Variants in CNIH3 observed in about 807,000 individuals in gnomAD.
CNIH3 encodes cornichon family AMPA receptor auxiliary protein 3, also known as protein cornichon homolog 3.
Under a neutral mutation model 24.1 loss-of-function variants are expected in CNIH3, and 14 were observed. That is an observed-to-expected ratio of 0.58 (90% CI 0.38 to 0.91). The LOEUF (loss-of-function observed/expected upper bound fraction) is 0.91. CNIH3 is among the 40% of genes least tolerant of loss of function. The probability of loss-of-function intolerance (pLI) is 0.00; values close to 1 mark genes in which losing one functional copy is unlikely to be tolerated. For synonymous variants in CNIH3, 68 were observed against 73.8 expected (o/e 0.92, Z 0.40); for missense variants, 178 against 196.8 (o/e 0.90, Z 0.57).
At chr1:224,510,873 T>C (rs983350876), upstream of CNIH3, among the ~76,000 whole-genome samples, 9 of 152,154 alleles carry the variant, frequency 5.9e-5, no homozygotes, top group Non-Finnish European at 1.2e-4. Flanking sequence ...CCTTCCTCCC[T>C]GGCTTTGTCC....
intron 1 of CNIH3, chr1:224,435,249 G>T (rs1229871661): frequency 1.0e-6 from 1 of 976,538 alleles, no homozygotes; most frequent in African/African-American, 1.7e-5. Flanking sequence ...ACAGGGCTGT[G>T]GTAGGCCCCT....
intron 3 of CNIH3, among the ~76,000 whole-genome samples, chr1:224,705,634 G>A (rs1333991137): frequency 6.6e-6 from 1 of 152,142 alleles, no homozygotes; most frequent in South Asian, 2.1e-4. Context: ...ACAGAGGACC[G>A]TGAAGGGAGG....
At chr1:224,657,118 T>C (rs1338259431) in intron 1 of CNIH3, among the ~76,000 whole-genome samples, 1 of 152,106 alleles carries the variant, frequency 6.6e-6, no homozygotes, top group Non-Finnish European at 1.5e-5. Flanking sequence ...TTTTGTCCCA[T>C]ATCATTGCCA....
chr1:224,644,726 T>C (rs1684521323), intron 1 of CNIH3, among the ~76,000 whole-genome samples: 3 of 152,234 alleles, frequency 2.0e-5, no homozygotes, highest in Non-Finnish European at 4.4e-5. Context: ...GCTGTAATGC[T>C]CAACCGTTGC....
At chr1:224,588,972 T>TTTTTTTTTG (rs1161094382), downstream of CNIH3, among the ~76,000 whole-genome samples, 2 of 149,358 alleles carry the variant, frequency 1.3e-5, no homozygotes, top group East Asian at 4.0e-4. Context: ...CCCCCTGTTT[T>TTTTTTTTTG]TTTTTTTTTT....
intron 1 of CNIH3, among the ~76,000 whole-genome samples, chr1:224,652,401 C>T (rs939172673): frequency 6.6e-6 from 1 of 152,106 alleles, no homozygotes; most frequent in Non-Finnish European, 1.5e-5. Context: ...AGGCAGGACT[C>T]AGACCTAGCG....
chr1:224,739,071 A>G (rs1689739381), intron 5 of CNIH3, among the ~76,000 whole-genome samples: 1 of 152,170 alleles, frequency 6.6e-6, no homozygotes, highest in African/African-American at 2.4e-5. Context: ...GAGAATGATA[A>G]TAGGCACTTA....
At chr1:224,542,906 T>C (rs983146752) in intron 2 of CNIH3, among the ~76,000 whole-genome samples, 1 of 152,252 alleles carries the variant, frequency 6.6e-6, no homozygotes, top group African/African-American at 2.4e-5. Context: ...TCTAATACCA[T>C]TGGAATTTTC....
chr1:224,555,689 G>A (rs114950172), intron 3 of CNIH3, among the ~76,000 whole-genome samples: 2,930 of 152,320 alleles, frequency 0.019, 36 homozygotes, highest in Middle Eastern at 0.034. Context: ...AACAAGGTTG[G>A]CATAACGTTA....
intron 1 of CNIH3, among the ~76,000 whole-genome samples, chr1:224,676,266 G>A (rs933225526): frequency 7.2e-5 from 11 of 152,256 alleles, no homozygotes; most frequent in African/African-American, 2.4e-4. Flanking sequence ...TACATACTGC[G>A]TGATTCCATT....
At chr1:224,657,282 A>C (rs982289749) in intron 1 of CNIH3, among the ~76,000 whole-genome samples, 2 of 152,128 alleles carry the variant, frequency 1.3e-5, no homozygotes, top group South Asian at 2.1e-4. Context: ...CAAAACCCCG[A>C]AGCCAAAAAA....
intron 3 of CNIH3, among the ~76,000 whole-genome samples, chr1:224,729,093 C>T (rs976282115): frequency 1.3e-5 from 2 of 151,928 alleles, no homozygotes; most frequent in East Asian, 1.9e-4. Flanking sequence ...GAACAAGGGA[C>T]GGTAGGCAGA....
At chr1:224,726,802 T>G (rs996063103) in intron 3 of CNIH3, among the ~76,000 whole-genome samples, 7 of 152,140 alleles carry the variant, frequency 4.6e-5, no homozygotes, top group African/African-American at 1.7e-4. Context: ...ACATGGCAAT[T>G]CAATAGGCTG....
At chr1:224,577,650 T>C (rs1045057783) in intron 4 of CNIH3, among the ~76,000 whole-genome samples, 4 of 152,174 alleles carry the variant, frequency 2.6e-5, no homozygotes, top group African/African-American at 9.7e-5. Flanking sequence ...GAAAACAGTA[T>C]AGAGATTTTT....
At chr1:224,576,610 A>T (rs536482081) in intron 4 of CNIH3, among the ~76,000 whole-genome samples, 2 of 152,322 alleles carry the variant, frequency 1.3e-5, no homozygotes, top group East Asian at 3.9e-4. Context: ...CATTCTTATG[A>T]CCTATGTAAA....
Position 224,739,606 on chromosome 1 carries a change from G to A in CNIH3, c.*250G>A. The A allele has an allele frequency of 1.6e-6, 1 of 618,828 alleles. No homozygotes were observed. The highest frequency in any genetic ancestry group is 2.7e-6 in the Non-Finnish European group (1 of 369,360). The allele number at this position is 618,828 out of a possible 1,614,324, so 38.3% of individuals were successfully genotyped here. A position where few individuals can be genotyped will look rare whatever the true frequency, so the allele number is the denominator to read the frequency against. ...ACACACGGGGTCCTAGAGCCCTTCTGAGCATCAGTGGTGTGGGGGAGTAGG... is the reference window on the plus strand; with the variant it reads ...ACACACGGGGTCCTAGAGCCCTTCTAAGCATCAGTGGTGTGGGGGAGTAGG... On this transcript the variant is annotated 3_prime_UTR_variant, in exon 6 of 6. Transcript: ENST00000272133.
intron 1 of CNIH3, among the ~76,000 whole-genome samples, chr1:224,669,794 C>A (rs1339194005): frequency 2.0e-5 from 3 of 152,208 alleles, no homozygotes; most frequent in African/African-American, 7.2e-5. Flanking sequence ...ACTGTCTCCT[C>A]TTTATACTTG....
rs563298630 is a variant in CNIH3 at position 224,620,016 on chromosome 1, G to A, written c.81+2761G>A. On this transcript the variant is annotated intron_variant, in intron 1 of 5. Transcript: ENST00000272133. ...TTCCTCCCCTTTTTTCCCACTGGAT[G>A]TCTGGGAGCAAGGATGGATGTGGCC... 1.2e-4 allele frequency among the ~76,000 whole-genome samples: 18 copies of A among 152,340 alleles called. 1 individual carries two copies. The highest frequency in any genetic ancestry group is 3.4e-3 in the Middle Eastern group (1 of 294).
chr1:224,452,916 T>C (rs923807652), intron 1 of CNIH3, among the ~76,000 whole-genome samples: 1 of 148,648 alleles, frequency 6.7e-6, no homozygotes, highest in Non-Finnish European at 1.5e-5. Flanking sequence ...AGGTCAGAAG[T>C]TCAAGACCAG....
Sources: gnomAD v4.1 joint callset for allele counts (sites outside exome capture counted in the v4.1 genomes callset) on GRCh38, gnomAD v4.1.1 for gene constraint, MANE v1.5 for transcripts, NCBI Gene and HGNC (gene_info 2026-07-23, HGNC 2026-07-21) for gene names.